EFHC1: variants seen among roughly 807,000 people sequenced by gnomAD.
The protein encoded by EFHC1 is EF-hand domain containing 1.
A neutral mutation model predicts 69.9 loss-of-function variants in EFHC1; 53 were observed. That is an observed-to-expected ratio of 0.76 (90% CI 0.61 to 0.95). The LOEUF (loss-of-function observed/expected upper bound fraction) is 0.95. Ranked by LOEUF, EFHC1 falls within the 40% of genes least tolerant of loss-of-function variation. The pLI, the probability that EFHC1 is intolerant of heterozygous loss-of-function variation, is 0.00. For missense variants in EFHC1, 739 were observed against 798.7 expected (o/e 0.93, Z 0.90); for synonymous variants, 256 against 278.4 (o/e 0.92, Z 0.80).
intron 7 of EFHC1, among the ~76,000 whole-genome samples, chr6:52,472,458 T>A (rs1313546145): frequency 1.3e-5 from 2 of 152,120 alleles, no homozygotes; most frequent in Non-Finnish European, 2.9e-5. Context: ...ATAAAGAATC[T>A]ACCTTCTACA....
intron 5 of EFHC1, among the ~76,000 whole-genome samples, chr6:52,457,967 A>G (rs1436247470): frequency 6.6e-6 from 1 of 152,214 alleles, no homozygotes; most frequent in Non-Finnish European, 1.5e-5. Flanking sequence ...AAACTACTAT[A>G]AGCCCCATAT....
At chr6:52,432,877 A>G (rs1249850525) in intron 2 of EFHC1, among the ~76,000 whole-genome samples, 1 of 151,486 alleles carries the variant, frequency 6.6e-6, no homozygotes, top group Non-Finnish European at 1.5e-5. Context: ...CTTTGTTCAT[A>G]TTTTCTTATT....
intron 3 of EFHC1, among the ~76,000 whole-genome samples, chr6:52,446,976 C>G (rs577505026): frequency 6.6e-6 from 1 of 152,324 alleles, no homozygotes; most frequent in Non-Finnish European, 1.5e-5. Flanking sequence ...CGAACTTTCT[C>G]TCTGGCTGCC....
chr6:52,468,121 A>C (rs1382148335), intron 6 of EFHC1, among the ~76,000 whole-genome samples: 1 of 152,212 alleles, frequency 6.6e-6, no homozygotes, highest in Non-Finnish European at 1.5e-5. Context: ...GCATGCTGGT[A>C]GGGAAAAGAA....
At chr6:52,433,369 T>G (rs1764456969) in intron 2 of EFHC1, among the ~76,000 whole-genome samples, 1 of 152,170 alleles carries the variant, frequency 6.6e-6, no homozygotes, top group Non-Finnish European at 1.5e-5. Flanking sequence ...CACGGGGTGT[T>G]CCCTTGATGT....
rs72925221 is a variant in EFHC1 at position 52,490,629 on chromosome 6, C to T, written c.1851+279C>T. The T allele has an allele frequency of 0.019, 11,091 of 581,274 alleles. 215 individuals are homozygous for T. The highest frequency in any genetic ancestry group is 0.073 in the African/African-American group (3,916 of 53,630). The allele number at this position is 581,274 out of a possible 1,614,324, so 36.0% of individuals were successfully genotyped here. On this transcript the variant is annotated intron_variant, in intron 10 of 10. Coordinates refer to ENST00000371068, the MANE Select transcript of EFHC1 (RefSeq NM_018100.4). ...CAGGACTGAAGAAGGGCAACAGAGA[C>T]GATCCAGGAGGGGTGGCTACCAAGG...
At chr6:52,459,695 G>A (rs113293718) in intron 5 of EFHC1, among the ~76,000 whole-genome samples, 4,862 of 151,866 alleles carry the variant, frequency 0.032, 113 homozygotes, top group Non-Finnish European at 0.048. Context: ...GTTTTTTTGA[G>A]ACGGAGTCTC....
chr6:52,461,797 A>G (rs1165023601), intron 5 of EFHC1, among the ~76,000 whole-genome samples: 2 of 152,248 alleles, frequency 1.3e-5, no homozygotes, highest in Admixed American at 1.3e-4. Flanking sequence ...TGATGAAGCT[A>G]TATTAGTATA....
chr6:52,432,875 A>G (rs939547972), intron 2 of EFHC1, among the ~76,000 whole-genome samples: 1 of 151,718 alleles, frequency 6.6e-6, no homozygotes, highest in Non-Finnish European at 1.5e-5. Context: ...GGCTTTGTTC[A>G]TATTTTCTTA....
chr6:52,457,870 C>A (rs1765078940), intron 5 of EFHC1, among the ~76,000 whole-genome samples: 1 of 152,176 alleles, frequency 6.6e-6, no homozygotes, highest in Non-Finnish European at 1.5e-5. Context: ...TTCTGTGCAT[C>A]TTTGTTGGCT....
At chr6:52,466,431 C>T (rs1469490187) in intron 6 of EFHC1, among the ~76,000 whole-genome samples, 1 of 152,198 alleles carries the variant, frequency 6.6e-6, no homozygotes, top group African/African-American at 2.4e-5. Flanking sequence ...TTTTATCCTC[C>T]AATACCCAGT....
At chr6:52,489,359 A>G (rs2114035725) in intron 9 of EFHC1, 1 of 152,334 alleles carries the variant, frequency 6.6e-6, no homozygotes, top group Non-Finnish European at 1.5e-5. Flanking sequence ...CATCACTGAA[A>G]GAGGGAAGAA....
At chr6:52,433,191 C>A (rs1375064637) in intron 2 of EFHC1, among the ~76,000 whole-genome samples, 2 of 151,836 alleles carry the variant, frequency 1.3e-5, no homozygotes, top group Non-Finnish European at 2.9e-5. Context: ...TTAGGGATTT[C>A]TTCTTGGTTT....
At chr6:52,436,393 AAC>A (rs1466499722) in intron 2 of EFHC1, among the ~76,000 whole-genome samples, 5 of 151,392 alleles carry the variant, frequency 3.3e-5, no homozygotes, top group African/African-American at 1.2e-4. Flanking sequence ...TTTTTTTAGC[AAC>A]AGTGTCCGTG....
chr6:52,463,321 C>T (rs1168782311), intron 5 of EFHC1, among the ~76,000 whole-genome samples: 3 of 151,794 alleles, frequency 2.0e-5, no homozygotes, highest in Non-Finnish European at 4.4e-5. Flanking sequence ...TGTGCCCGGC[C>T]AAAACGAGCA....
chr6:52,444,126 G>A lies in EFHC1; in HGVS notation c.573+5535G>A, dbSNP rs570081577. On this transcript the variant is annotated intron_variant, in intron 3 of 10. Coordinates refer to ENST00000371068, the MANE Select transcript of EFHC1 (RefSeq NM_018100.4). ...GTGTATAAGAATGCTTGTGATTTTCGCACATTGATTTTGTATCCTGAGACT... is the reference window on the plus strand; with the variant it reads ...GTGTATAAGAATGCTTGTGATTTTCACACATTGATTTTGTATCCTGAGACT... 1.7e-3 allele frequency among the ~76,000 whole-genome samples: 261 copies of A among 152,212 alleles called. 2 individuals are homozygous for A. Among genetic ancestry groups the A allele is most frequent in the African/African-American group, 5.6e-3 (231 of 41,514 alleles).
At chr6:52,462,845 G>T in intron 5 of EFHC1, among the ~76,000 whole-genome samples, 1 of 145,598 alleles carries the variant, frequency 6.9e-6, no homozygotes, top group East Asian at 2.1e-4. Flanking sequence ...CCGAGATTGT[G>T]CCAGTGCACT....
chr6:52,491,872 A>C (rs1765911977), intron 10 of EFHC1, among the ~76,000 whole-genome samples: 1 of 152,180 alleles, frequency 6.6e-6, no homozygotes, highest in African/African-American at 2.4e-5. Flanking sequence ...TAATCACAAG[A>C]AACACTTGTG....
chr6:52,476,016 A>G (rs773829317), intron 7 of EFHC1, among the ~76,000 whole-genome samples: 4 of 152,240 alleles, frequency 2.6e-5, no homozygotes, highest in Non-Finnish European at 5.9e-5. Flanking sequence ...TGAGGGAGCC[A>G]GCCAGGGGAA....
Sources: gnomAD v4.1 joint callset for allele counts (sites outside exome capture counted in the v4.1 genomes callset) on GRCh38, gnomAD v4.1.1 for gene constraint, MANE v1.5 for transcripts, NCBI Gene and HGNC (gene_info 2026-07-23, HGNC 2026-07-21) for gene names.